Variants in DCTN1 observed in about 807,000 individuals in gnomAD.
The protein encoded by DCTN1 is 150 kDa dynein-associated polypeptide.
Under a neutral mutation model 161.2 loss-of-function variants are expected in DCTN1, and 61 were observed. The ratio of observed to expected loss-of-function variants is 0.38; its 90% confidence interval spans 0.31 to 0.47. The LOEUF is 0.47. Ranked by LOEUF, DCTN1 falls within the 20% of genes least tolerant of loss-of-function variation. The pLI is 0.99. For synonymous variants in DCTN1, 653 were observed against 632.4 expected (o/e 1.03, Z -0.49); for missense variants, 1,404 against 1,623.7 (o/e 0.86, Z 2.33).
chr2:74,379,054 A>C (rs1319774728), intron 1 of DCTN1: 1 of 152,660 alleles, frequency 6.6e-6, no homozygotes, highest in Non-Finnish European at 1.5e-5. Flanking sequence ...CAGTGGTCCA[A>C]ATGAATGGTT....
At chr2:74,362,518 G>A (rs890993862) in intron 30 of DCTN1, 132 bp downstream of exon 30, 5 of 934,192 alleles carry the variant, frequency 5.4e-6, no homozygotes, top group Non-Finnish European at 8.4e-6. Context: ...TCCAAGGCAA[G>A]AACCCTGCCT....
At chr2:74,361,771 A>G (rs1490326570) in intron 31 of DCTN1, 135 bp from the exon 32 acceptor site, 10 of 1,143,286 alleles carry the variant, frequency 8.7e-6, no homozygotes, top group Non-Finnish European at 6.4e-6. Flanking sequence ...GGCTATTGTG[A>G]CCACATTTTT....
At position 74,368,824 on chromosome 2, in the gene DCTN1, G is replaced by A. The variant is rs773517017; in HGVS notation, c.1758C>T (p.Ser586=). The change falls in exon 16 of 32, where the codon TCC becomes TCT. Residue 586 remains serine (S), a synonymous_variant. Coordinates refer to ENST00000628224, the MANE Select transcript of DCTN1 (RefSeq NM_004082.5). The part of the protein sequence containing the change: ...MEVAQANRHM[S]LLTAFMPDSF... ...TGTCAGGCATGAAGGCTGTCAGCAG[G>A]GACATGTGTCGATTGGCCTGGGCCA... 6.2e-7 allele frequency: 1 copy of A among 1,614,268 alleles called. No individual in the cohort carries two copies.
At chr2:74,373,024 G>A in intron 6 of DCTN1, 76 bp from the exon 7 acceptor site, 1 of 1,366,844 alleles carries the variant, frequency 7.3e-7, no homozygotes, top group Non-Finnish European at 1.0e-6. Flanking sequence ...AGAGCAAAAG[G>A]GACAGCAATG....
intron 1 of DCTN1, among the ~76,000 whole-genome samples, chr2:74,390,112 C>T (rs10183207): frequency 0.046 from 7,015 of 152,198 alleles, 534 homozygotes; most frequent in African/African-American, 0.16. Context: ...GCAAGCCACA[C>T]CCATCCTTCA....
chr2:74,378,489 A>T lies in DCTN1; in HGVS notation c.34-244T>A, dbSNP rs144679717. ...TTTTTAAGTTTATATTTTTTATAACAAATCAGAATTCATTGACCAGTCTGT... is the reference window on the plus strand; with the variant it reads ...TTTTTAAGTTTATATTTTTTATAACTAATCAGAATTCATTGACCAGTCTGT... On this transcript the variant is annotated intron_variant, in intron 1 of 31. Transcript: ENST00000628224. 7.9e-4 allele frequency among the ~76,000 whole-genome samples: 120 copies of T among 152,362 alleles called. 1 individual carries two copies. The highest frequency in any genetic ancestry group is 2.7e-3 in the African/African-American group (111 of 41,576).
chr2:74,365,691 T>C (rs1352936062), intron 24 of DCTN1, 34 bp from the exon 25 acceptor site: 4 of 1,613,880 alleles, frequency 2.5e-6, no homozygotes, highest in Non-Finnish European at 3.4e-6. Context: ...ATCCCTGACA[T>C]CCTCCCCACA....
intron 19 of DCTN1, 101 bp downstream of exon 19, chr2:74,367,251 C>T: frequency 6.5e-7 from 1 of 1,541,750 alleles, no homozygotes; most frequent in East Asian, 2.3e-5. Flanking sequence ...GGTAACTCTG[C>T]CCTAGTCTTA....
At chr2:74,375,541 A>T (rs913084072) in intron 5 of DCTN1, among the ~76,000 whole-genome samples, 3 of 152,152 alleles carry the variant, frequency 2.0e-5, no homozygotes, top group Non-Finnish European at 2.9e-5. Flanking sequence ...AAGCCCCTGG[A>T]TTTGGGCATT....
rs1478045316 is a variant in DCTN1 at position 74,371,577 on chromosome 2, G to A, written c.605C>T (p.Thr202Ile). Residue 202 changes from threonine (T) to isoleucine (I), a missense_variant, in exon 8 of 32, where the codon ACC becomes ATC. This residue lies in a region of DCTN1 where 174 missense variants were observed against 175.6 expected (regional missense o/e 0.99). Coordinates refer to ENST00000628224, the MANE Select transcript of DCTN1 (RefSeq NM_004082.5). Reference protein sequence around the residue: ...AAPIIPTPVLTSPGAVPPLPS... With the variant: ...AAPIIPTPVLISPGAVPPLPS... ...AAGCGGGGGGACTGCTCCAGGAGAG[G>A]TGAGGACCGGCGTGGGGATGATGGG... The A allele has an allele frequency of 1.3e-6, 2 of 1,586,048 alleles. No individual in the cohort carries two copies. Among genetic ancestry groups the A allele is most frequent in the Non-Finnish European group, 1.7e-6 (2 of 1,166,512 alleles).
At chr2:74,362,875 G>A (rs1258103055) in intron 29 of DCTN1, 119 bp downstream of exon 29, 5 of 1,357,708 alleles carry the variant, frequency 3.7e-6, no homozygotes, top group Middle Eastern at 4.4e-4. Flanking sequence ...GAACAGTGAA[G>A]CCAAAGAACA....
At chr2:74,391,113 G>A (rs552637997) in intron 1 of DCTN1, 2 of 152,652 alleles carry the variant, frequency 1.3e-5, no homozygotes, top group Non-Finnish European at 2.9e-5. Flanking sequence ...CATAGCTTAG[G>A]CTTTGGCAGT....
Position 74,363,153 on chromosome 2 carries a change from C to T in DCTN1, c.3370G>A (p.Ala1124Thr). The change falls in exon 29 of 32, where the codon GCA becomes ACA. Residue 1124 changes from alanine to threonine, a missense_variant. Physicochemically the swap from Ala to Thr is moderately conservative, Grantham distance 58. Coordinates refer to ENST00000628224, the MANE Select transcript of DCTN1 (RefSeq NM_004082.5). Reference sequence around the variant, plus strand: ...GCAACATGCAGAGGGGGCAGGGATGCCAAGGATGCCTTCATCTGGGCTCCC... The same window carrying T: ...GCAACATGCAGAGGGGGCAGGGATGTCAAGGATGCCTTCATCTGGGCTCCC... Reference protein sequence around the residue: ...LKGAQMKASLASLPPLHVAKL... With the variant: ...LKGAQMKASLTSLPPLHVAKL... 6.2e-7 allele frequency: 1 copy of T among 1,614,094 alleles called. No homozygotes were observed. The highest frequency in any genetic ancestry group is 1.3e-5 in the African/African-American group (1 of 75,016).
At chr2:74,374,852 C>T in intron 5 of DCTN1, 1 of 648,046 alleles carries the variant, frequency 1.5e-6, no homozygotes, top group Admixed American at 5.3e-5. Flanking sequence ...CTCCTCTCTT[C>T]CCTCCCTTGC....
At position 74,366,773 on chromosome 2, in the gene DCTN1, A is replaced by G. The variant is rs1371094725; in HGVS notation, c.2466+10T>C. On this transcript the variant is annotated intron_variant, in intron 21 of 31. Coordinates refer to ENST00000628224, the MANE Select transcript of DCTN1 (RefSeq NM_004082.5). Reference sequence around the variant, plus strand: ...CAGTTTCCTTCCCTTCCCCAGTTGCAGCCTTAAACCTGTGGTCCAAAGGCC... The same window carrying G: ...CAGTTTCCTTCCCTTCCCCAGTTGCGGCCTTAAACCTGTGGTCCAAAGGCC... 6.2e-7 allele frequency: 1 copy of G among 1,614,226 alleles called. No individual in the cohort carries two copies. Among genetic ancestry groups the G allele is most frequent in the South Asian group, 1.1e-5 (1 of 91,086 alleles).
chr2:74,363,156 A>C lies in DCTN1; in HGVS notation c.3367T>G (p.Leu1123Val). 1 of 1,614,152 alleles carries C rather than the reference A, an allele frequency of 6.2e-7. No homozygotes were observed. Among genetic ancestry groups the C allele is most frequent in the South Asian group, 1.1e-5 (1 of 91,082 alleles). ...ACATGCAGAGGGGGCAGGGATGCCAAGGATGCCTTCATCTGGGCTCCCTGT... is the reference window on the plus strand; with the variant it reads ...ACATGCAGAGGGGGCAGGGATGCCACGGATGCCTTCATCTGGGCTCCCTGT... ...ILKGAQMKASLASLPPLHVAK... is the reference protein window; with the variant it reads ...ILKGAQMKASVASLPPLHVAK... The change falls in exon 29 of 32, where the codon TTG becomes GTG. Residue 1123 changes from leucine to valine, a missense_variant. Leu to Val is a conservative substitution (Grantham distance 32). This residue lies in a region of DCTN1 where 311 missense variants were observed against 298.9 expected (regional missense o/e 1.04). Coordinates refer to ENST00000628224, the MANE Select transcript of DCTN1 (RefSeq NM_004082.5).
chr2:74,369,222 G>A lies in DCTN1; in HGVS notation c.1585-8C>T, dbSNP rs751020122. 1.2e-6 allele frequency: 2 copies of A among 1,614,070 alleles called. No homozygotes were observed. The highest frequency in any genetic ancestry group is 1.7e-6 in the Non-Finnish European group (2 of 1,180,034). ...CAGTTCCCGATTCACATCCTAGGAG[G>A]AGAGACAGTGAAGCACAGCTGGGTC... On this transcript the variant is annotated splice_polypyrimidine_tract_variant and splice_region_variant and intron_variant, in intron 14 of 31. Transcript: ENST00000628224. The surrounding 1 kb of genome is among the most constrained non-coding windows in gnomAD (Gnocchi z 4.9).
intron 1 of DCTN1, among the ~76,000 whole-genome samples, chr2:74,379,697 C>T (rs1414808185): frequency 6.6e-6 from 1 of 152,122 alleles, no homozygotes; most frequent in African/African-American, 2.4e-5. Flanking sequence ...CACTGTAAGA[C>T]CTCTCTGAGC....
rs1248075223 is a variant in DCTN1, at chr2:74,365,649, C to A, written c.2895G>T (p.Glu965Asp). The A allele has an allele frequency of 1.2e-6, 2 of 1,614,148 alleles. No homozygotes were observed. The highest frequency in any genetic ancestry group is 3.3e-4 in the Middle Eastern group (2 of 6,062). ...TCAGCCGCACATTGGCCTCACTTAG[C>A]TCCTCTCCCTGGACAAGGACAGAAC... ...LKKSLKIKGEELSEANVRLSL... is the reference protein window; with the variant it reads ...LKKSLKIKGEDLSEANVRLSL... Residue 965 changes from glutamate (E) to aspartate (D), a missense_variant, in exon 25 of 32, where the codon GAG (glutamate) becomes GAT (aspartate). Glu to Asp is a conservative substitution (Grantham distance 45). Transcript: ENST00000628224.
Sources: gnomAD v4.1 joint callset for allele counts (sites outside exome capture counted in the v4.1 genomes callset) on GRCh38, gnomAD v4.1.1 for gene constraint, gnomAD v4.1.1 regional missense constraint, Gnocchi (gnomAD v3.1) non-coding constraint, MANE v1.5 for transcripts, NCBI Gene and HGNC (gene_info 2026-07-23, HGNC 2026-07-21) for gene names.